Variants in OPRM1 observed in about 807,000 individuals in gnomAD.
The protein encoded by OPRM1 is opioid receptor mu 1.
A neutral mutation model predicts 31.8 loss-of-function variants in OPRM1; 27 were observed. The observed-to-expected ratio is 0.85, with a 90% CI of 0.63 to 1.17. The LOEUF (loss-of-function observed/expected upper bound fraction) is 1.17. Ranked by LOEUF, OPRM1 falls within the 50% of genes most tolerant of loss-of-function variation. OPRM1 has a pLI of 0.00. For synonymous variants in OPRM1, 196 were observed against 189.9 expected, an observed-to-expected ratio of 1.03 and a Z score of -0.26; for missense variants, 536 against 511.1, an observed-to-expected ratio of 1.05 and a Z score of -0.47.
At chr6:154,057,119 A>AT (rs1330060805) in intron 1 of OPRM1, among the ~76,000 whole-genome samples, 2 of 152,264 alleles carry the variant, frequency 1.3e-5, no homozygotes, top group African/African-American at 4.8e-5. Flanking sequence ...AGAACTTTAC[A>AT]TTTTTCCCTA....
At chr6:154,110,388 A>G (rs950555272) in intron 3 of OPRM1, 21 of 1,505,244 alleles carry the variant, frequency 1.4e-5, no homozygotes, top group Admixed American at 1.0e-4. Context: ...ATCTTTACTC[A>G]ACTGTGAGCA....
chr6:154,049,841 TC>T (rs1781860021), intron 1 of OPRM1, among the ~76,000 whole-genome samples: 1 of 152,204 alleles, frequency 6.6e-6, no homozygotes, highest in African/African-American at 2.4e-5. Context: ...CATCCTTGCA[TC>T]CCAAGGATAA....
intron 3 of OPRM1, among the ~76,000 whole-genome samples, chr6:154,112,693 T>C (rs1583598991): frequency 6.6e-6 from 1 of 152,200 alleles, no homozygotes; most frequent in East Asian, 1.9e-4. Context: ...GGCAGGGTTG[T>C]TCAGTGGACT....
exon 4 of OPRM1, chr6:154,246,694 C>A: frequency 6.2e-7 from 1 of 1,614,060 alleles, no homozygotes; most frequent in Non-Finnish European, 8.5e-7. Flanking sequence ...CTTATACAGC[C>A]ACCCTTGGCA....
At chr6:154,035,184 T>C (rs925633756), upstream of OPRM1, among the ~76,000 whole-genome samples, 1 of 152,144 alleles carries the variant, frequency 6.6e-6, no homozygotes, top group Admixed American at 6.5e-5. Context: ...AAGTAAATAG[T>C]TGAGACTGGA....
At chr6:154,165,371 T>C (rs1799343498) in intron 3 of OPRM1, among the ~76,000 whole-genome samples, 1 of 152,182 alleles carries the variant, frequency 6.6e-6, no homozygotes, top group Non-Finnish European at 1.5e-5. Context: ...AAATAATTAT[T>C]ATACCCTTCC....
At chr6:154,151,839 T>C (rs973904604) in intron 3 of OPRM1, among the ~76,000 whole-genome samples, 2 of 152,022 alleles carry the variant, frequency 1.3e-5, no homozygotes, top group African/African-American at 4.8e-5. Context: ...CATCAAGGAA[T>C]TAGCTATAAA....
At chr6:154,050,347 G>C (rs1781944143) in intron 1 of OPRM1, among the ~76,000 whole-genome samples, 1 of 152,170 alleles carries the variant, frequency 6.6e-6, no homozygotes, top group African/African-American at 2.4e-5. Flanking sequence ...AGCAACCTAA[G>C]TGTCCATCAA....
intron 3 of OPRM1, among the ~76,000 whole-genome samples, chr6:154,175,886 C>T (rs538405998): frequency 1.3e-4 from 20 of 152,270 alleles, no homozygotes; most frequent in African/African-American, 4.6e-4. Context: ...GAATTTTAGG[C>T]CAATATCCCT....
chr6:154,018,373 T>C (rs1778135341), intron 1 of OPRM1, among the ~76,000 whole-genome samples: 1 of 152,078 alleles, frequency 6.6e-6, no homozygotes, highest in Admixed American at 6.5e-5. Context: ...TGAGCTGAGA[T>C]CAGGCCACTG....
intron 1 of OPRM1, among the ~76,000 whole-genome samples, chr6:154,077,547 A>G (rs987472347): frequency 2.0e-5 from 3 of 151,652 alleles, no homozygotes; most frequent in Non-Finnish European, 4.4e-5. Flanking sequence ...CCTGGCCAAC[A>G]TGCTGAAACC....
chr6:154,021,408 T>C (rs1379771561), intron 1 of OPRM1, among the ~76,000 whole-genome samples: 1 of 152,172 alleles, frequency 6.6e-6, no homozygotes, highest in African/African-American at 2.4e-5. Context: ...TCCTCCAACT[T>C]TGTGCTTCTT....
At chr6:154,197,781 G>A (rs1485534069) in intron 3 of OPRM1, among the ~76,000 whole-genome samples, 5 of 152,170 alleles carry the variant, frequency 3.3e-5, no homozygotes, top group Non-Finnish European at 5.9e-5. Context: ...ATGCAAATGG[G>A]ATTTTATTCT....
At chr6:154,016,047 A>G (rs941028913) in intron 1 of OPRM1, among the ~76,000 whole-genome samples, 1 of 152,134 alleles carries the variant, frequency 6.6e-6, no homozygotes, top group Non-Finnish European at 1.5e-5. Flanking sequence ...AAGAAAGTTA[A>G]TAATATCTAG....
intron 3 of OPRM1, among the ~76,000 whole-genome samples, chr6:154,191,409 C>T (rs1801872854): frequency 6.6e-6 from 1 of 152,052 alleles, no homozygotes; most frequent in African/African-American, 2.4e-5. Context: ...CGCGGTGGCT[C>T]ACGTCTGTAA....
chr6:154,196,606 G>A (rs78693198), intron 3 of OPRM1, among the ~76,000 whole-genome samples: 3 of 152,270 alleles, frequency 2.0e-5, no homozygotes, highest in East Asian at 1.9e-4. Flanking sequence ...TCAGCAGGTA[G>A]TGTGTGTTGT....
chr6:154,199,119 T>G (rs561238703), intron 3 of OPRM1, among the ~76,000 whole-genome samples: 1 of 152,370 alleles, frequency 6.6e-6, no homozygotes, highest in East Asian at 1.9e-4. Context: ...TCTGAACGCA[T>G]GAGTTGTGCT....
Position 154,119,005 on chromosome 6 carries a change from T to C in OPRM1, c.*284T>C, listed in dbSNP as rs1797157828. 8.6e-7 allele frequency: 1 copy of C among 1,167,320 alleles called. No individual in the cohort carries two copies. The highest frequency in any genetic ancestry group is 1.1e-6 in the Non-Finnish European group (1 of 945,930). 72.3% of individuals were successfully genotyped at this position (1,167,320 alleles called of 1,614,324 possible). On this transcript the variant is annotated 3_prime_UTR_variant, in exon 4 of 4. Coordinates refer to ENST00000330432, the MANE Select transcript of OPRM1 (RefSeq NM_000914.5). Reference sequence around the variant, plus strand: ...CATCGTGGTATGTGAATTGAAGTCATCATAAAAGGTGACCCTTCTGTCTGT... The same window carrying C: ...CATCGTGGTATGTGAATTGAAGTCACCATAAAAGGTGACCCTTCTGTCTGT...
rs185528335 is a variant in OPRM1 at position 154,100,637 on chromosome 6, A to G, written c.1164+9165A>G. On this transcript the variant is annotated intron_variant, in intron 3 of 3. Transcript: ENST00000330432. The stretch of plus-strand genomic sequence containing the variant: ...GAATATATAGAAAAATAATGTGAGC[A>G]ATTTGTCTGTATAAAGTGAAGTATT... Among the ~76,000 whole-genome samples, 27 of 151,926 alleles carry G rather than the reference A, an allele frequency of 1.8e-4. No individual in the cohort carries two copies. The East Asian group carries it at 5.2e-3, about 29-fold the overall frequency.
Sources: allele counts gnomAD v4.1 joint callset (sites outside exome capture counted in the v4.1 genomes callset), GRCh38; gene constraint gnomAD v4.1.1; transcripts MANE v1.5; gene names NCBI Gene and HGNC (gene_info 2026-07-23, HGNC 2026-07-21).